The following SEMA5A variants were observed in gnomAD, a reference collection of about 807,000 sequenced individuals.
SEMA5A encodes semaphorin-5A.
Under a neutral mutation model 135.5 loss-of-function variants are expected in SEMA5A, and 55 were observed. That is an observed-to-expected ratio of 0.41 (90% confidence interval 0.33 to 0.51). SEMA5A has a LOEUF of 0.51. Ranked by LOEUF, SEMA5A falls within the 20% of genes least tolerant of loss-of-function variation. The probability of loss-of-function intolerance (pLI) is 0.37; values close to 1 mark genes in which losing one functional copy is unlikely to be tolerated. For missense variants in SEMA5A, 1,290 were observed against 1,419.9 expected (o/e 0.91, Z 1.47); for synonymous variants, 580 against 546.5 (o/e 1.06, Z -0.85).
chr5:9,226,823 C>T (rs1373541416), intron 7 of SEMA5A, 46 bp downstream of exon 7: 1 of 1,431,472 alleles, frequency 7.0e-7, no homozygotes, highest in Non-Finnish European at 9.8e-7. Context: ...CAATGTTTTG[C>T]CTCTTCTGAT....
chr5:9,121,017 A>T (rs1031993394), intron 14 of SEMA5A, among the ~76,000 whole-genome samples: 5 of 152,140 alleles, frequency 3.3e-5, no homozygotes, highest in African/African-American at 9.7e-5. Flanking sequence ...ACCTCAGGTG[A>T]TCTGCCCACC....
intron 3 of SEMA5A, among the ~76,000 whole-genome samples, chr5:9,362,262 T>C (rs1754731269): frequency 6.6e-6 from 1 of 152,178 alleles, no homozygotes; most frequent in South Asian, 2.1e-4. Flanking sequence ...GCATTTCAAC[T>C]TGGGTTCCTA....
chr5:9,253,214 C>G (rs769368370), intron 5 of SEMA5A, among the ~76,000 whole-genome samples: 15 of 152,148 alleles, frequency 9.9e-5, no homozygotes, highest in Admixed American at 3.3e-4. Context: ...TGCCTCATTT[C>G]CTAATGCTTC....
At chr5:9,202,475 T>C (rs1460669756) in intron 8 of SEMA5A, among the ~76,000 whole-genome samples, 1 of 152,170 alleles carries the variant, frequency 6.6e-6, no homozygotes, top group Non-Finnish European at 1.5e-5. Context: ...CACTCAAGTA[T>C]CCCGAGCTAA....
intron 4 of SEMA5A, among the ~76,000 whole-genome samples, chr5:9,328,923 G>C (rs1010181738): frequency 2.0e-5 from 3 of 152,212 alleles, no homozygotes; most frequent in Admixed American, 6.5e-5. Flanking sequence ...AGAGGACTAA[G>C]TCTAAACTTC....
At chr5:9,488,748 G>T (rs1004119355) in intron 1 of SEMA5A, among the ~76,000 whole-genome samples, 8 of 152,252 alleles carry the variant, frequency 5.3e-5, no homozygotes, top group Admixed American at 1.3e-4. Context: ...TTCCCATTTG[G>T]AGTCTTTTCT....
At chr5:9,427,770 G>T (rs1034893447) in intron 2 of SEMA5A, among the ~76,000 whole-genome samples, 1 of 152,116 alleles carries the variant, frequency 6.6e-6, no homozygotes, top group Non-Finnish European at 1.5e-5. Flanking sequence ...TGCTACCTAG[G>T]TTGTGATTTT....
chr5:9,294,236 G>A (rs1296565451), intron 5 of SEMA5A, among the ~76,000 whole-genome samples: 3 of 152,070 alleles, frequency 2.0e-5, no homozygotes, highest in Non-Finnish European at 4.4e-5. Context: ...CAAGGTTTGG[G>A]ACTTCAAAGT....
chr5:9,324,479 A>T (rs1435830440), intron 4 of SEMA5A, among the ~76,000 whole-genome samples: 4 of 152,190 alleles, frequency 2.6e-5, no homozygotes, highest in Non-Finnish European at 5.9e-5. Flanking sequence ...GCTATTCTCA[A>T]ATCTCTTTCC....
chr5:9,114,458 GTTT>G (rs67888620), intron 15 of SEMA5A, among the ~76,000 whole-genome samples: 1 of 151,784 alleles, frequency 6.6e-6, no homozygotes, highest in Non-Finnish European at 1.5e-5. Flanking sequence ...GCAAATTTAT[GTTT>G]TTTTTGTGTG....
At chr5:9,084,496 A>G (rs1738569422) in intron 16 of SEMA5A, among the ~76,000 whole-genome samples, 1 of 152,182 alleles carries the variant, frequency 6.6e-6, no homozygotes, top group African/African-American at 2.4e-5. Flanking sequence ...TGCTGTTCTC[A>G]TGATAGTGAA....
chr5:9,187,253 A>C lies in SEMA5A; in HGVS notation c.1273+3014T>G, dbSNP rs570079450. On this transcript the variant is annotated intron_variant, in intron 11 of 22. Transcript: ENST00000382496. The stretch of plus-strand genomic sequence containing the variant: ...AAACTGAATATCATTCTTAATTAAA[A>C]TCTGAAAAAAAGACTATATCTCCTT... Among the ~76,000 whole-genome samples, 5 of 152,272 alleles carry C rather than the reference A, an allele frequency of 3.3e-5. No individual in the cohort carries two copies. The East Asian group carries it at 7.7e-4, about 23-fold the overall frequency.
chr5:9,474,366 C>T (rs936557818), intron 1 of SEMA5A, among the ~76,000 whole-genome samples: 4 of 151,928 alleles, frequency 2.6e-5, no homozygotes, highest in Non-Finnish European at 4.4e-5. Context: ...AGGGCTCAGA[C>T]ACACATGGGG....
intron 12 of SEMA5A, among the ~76,000 whole-genome samples, chr5:9,146,326 G>A (rs1414647677): frequency 6.6e-6 from 1 of 152,148 alleles, no homozygotes; most frequent in African/African-American, 2.4e-5. Flanking sequence ...CAGATTTAAT[G>A]GTGGCATCCA....
chr5:9,192,300 G>C (rs1239547544), intron 10 of SEMA5A, among the ~76,000 whole-genome samples: 1 of 152,270 alleles, frequency 6.6e-6, no homozygotes, highest in Non-Finnish European at 1.5e-5. Flanking sequence ...TAGGAAAATA[G>C]TTACCCTGCT....
At chr5:9,313,359 T>TG (rs1752230361) in intron 5 of SEMA5A, among the ~76,000 whole-genome samples, 1 of 152,146 alleles carries the variant, frequency 6.6e-6, no homozygotes, top group African/African-American at 2.4e-5. Context: ...GGATGTCTCT[T>TG]CTGAAAGCAT....
intron 5 of SEMA5A, among the ~76,000 whole-genome samples, chr5:9,249,314 A>G (rs1325839869): frequency 6.6e-6 from 1 of 152,178 alleles, no homozygotes; most frequent in Non-Finnish European, 1.5e-5. Flanking sequence ...TCAGGAGATA[A>G]GTCAATGGAG....
intron 5 of SEMA5A, among the ~76,000 whole-genome samples, chr5:9,315,398 AAATT>A (rs1752346651): frequency 6.6e-6 from 1 of 152,204 alleles, no homozygotes; most frequent in South Asian, 2.1e-4. Flanking sequence ...CAAAATCAAC[AAATT>A]AATATTAATA....
At chr5:9,167,371 A>G (rs192201139) in intron 11 of SEMA5A, among the ~76,000 whole-genome samples, 4 of 152,200 alleles carry the variant, frequency 2.6e-5, no homozygotes, top group Non-Finnish European at 5.9e-5. Flanking sequence ...CAGTATACCC[A>G]AAACTGGAAA....
Sources: gnomAD v4.1 joint callset for allele counts (sites outside exome capture counted in the v4.1 genomes callset) on GRCh38, gnomAD v4.1.1 for gene constraint, MANE v1.5 for transcripts, NCBI Gene and HGNC (gene_info 2026-07-23, HGNC 2026-07-21) for gene names.